The following TRHDE variants were observed in gnomAD, a reference collection of about 807,000 sequenced individuals.
TRHDE encodes the protein thyrotropin releasing hormone degrading enzyme.
Under a neutral mutation model 125.7 loss-of-function variants are expected in TRHDE, and 72 were observed. That is an observed-to-expected ratio of 0.57 (90% CI 0.47 to 0.70). The LOEUF (loss-of-function observed/expected upper bound fraction) is 0.70. Ranked by LOEUF, TRHDE falls within the 30% of genes least tolerant of loss-of-function variation. The probability of loss-of-function intolerance (pLI) is 0.00; values close to 1 mark genes in which losing one functional copy is unlikely to be tolerated. For synonymous variants in TRHDE, 509 were observed against 509.1 expected (o/e 1.00, Z 0.00); for missense variants, 1,110 against 1,327.1 (o/e 0.84, Z 2.54).
intron 12 of TRHDE, among the ~76,000 whole-genome samples, chr12:72,579,585 G>A (rs963883748): frequency 2.0e-5 from 3 of 151,978 alleles, no homozygotes; most frequent in Non-Finnish European, 4.4e-5. Flanking sequence ...TAAGCTTTGT[G>A]GTGGTTATCA....
At position 72,667,539 on chromosome 12, in the gene TRHDE, C is replaced by CAATAATGAAATGAA. The variant is rs1875152096; in HGVS notation, c.*4345_*4346insATAATGAAATGAAA. The CAATAATGAAATGAA allele has an allele frequency of 6.6e-6, 1 of 151,502 alleles. No homozygotes were observed. Among genetic ancestry groups the CAATAATGAAATGAA allele is most frequent in the South Asian group, 2.1e-4 (1 of 4,826 alleles). The allele number at this position is 151,502 out of a possible 1,614,324, so 9.4% of individuals were successfully genotyped here. On this transcript the variant is annotated 3_prime_UTR_variant, in exon 19 of 19. Coordinates refer to ENST00000261180, the MANE Select transcript of TRHDE (RefSeq NM_013381.3). Reference sequence around the variant, plus strand: ...TGAATATGGCCTGAAGGAATGAACTCATATTACAATAAATGAAAAAGAAAA... The same window carrying CAATAATGAAATGAA: ...TGAATATGGCCTGAAGGAATGAACTCAATAATGAAATGAAATATTACAATAAATGAAAAAGAAAA...
chr12:72,457,987 C>A (rs1446205943), intron 3 of TRHDE, among the ~76,000 whole-genome samples: 3 of 152,056 alleles, frequency 2.0e-5, no homozygotes, highest in African/African-American at 7.2e-5. Context: ...TTCCAGCTAC[C>A]TCAGACTTTG....
intron 9 of TRHDE, among the ~76,000 whole-genome samples, chr12:72,565,047 T>C (rs565965584): frequency 8.5e-5 from 13 of 152,258 alleles, no homozygotes; most frequent in Non-Finnish European, 1.5e-4. Context: ...TGACTGACTT[T>C]CTATTCATTT....
chr12:72,136,617 C>G (rs1875991632), intron 2 of TRHDE, among the ~76,000 whole-genome samples: 1 of 152,172 alleles, frequency 6.6e-6, no homozygotes, highest in South Asian at 2.1e-4. Context: ...GGTTAATATT[C>G]TATGTTCTGC....
At chr12:72,586,345 C>A (rs1044314348) in intron 12 of TRHDE, among the ~76,000 whole-genome samples, 1 of 152,044 alleles carries the variant, frequency 6.6e-6, no homozygotes, top group South Asian at 2.1e-4. Flanking sequence ...AATCGTAAAG[C>A]CTTAGGAGGA....
In TRHDE at chr12:72,621,146, G is replaced by C. The variant is rs141628943; in HGVS notation, c.2508G>C (p.Lys836Asn). ...AGCAAGTTGCAACAACATATATCAA[G>C]CTTGGGTGGCCGAAAAATAATTTTA... ...ILKQVATTYI[K>N]LGWPKNNFNG... Residue 836 changes from lysine to asparagine, a missense_variant, in exon 14 of 19, where the codon AAG becomes AAC. This residue lies in a region of TRHDE where 527 missense variants were observed against 651.8 expected (regional missense o/e 0.81). Transcript: ENST00000261180. 2 of 1,612,110 alleles carry C rather than the reference G, an allele frequency of 1.2e-6. No individual in the cohort carries two copies. The highest frequency in any genetic ancestry group is 2.7e-5 in the African/African-American group (2 of 74,738).
At chr12:72,184,417 T>G (rs2139343693) in intron 2 of TRHDE, among the ~76,000 whole-genome samples, 1 of 152,166 alleles carries the variant, frequency 6.6e-6, no homozygotes, top group East Asian at 1.9e-4. Context: ...CCCAAGCACA[T>G]GTTTAATTAC....
At chr12:72,152,819 T>G (rs1338180626) in intron 2 of TRHDE, among the ~76,000 whole-genome samples, 4 of 152,228 alleles carry the variant, frequency 2.6e-5, no homozygotes, top group African/African-American at 4.8e-5. Context: ...TGAGGATTTT[T>G]GCATCAATGT....
At chr12:72,607,739 G>GTTCT (rs1872506432) in intron 12 of TRHDE, among the ~76,000 whole-genome samples, 1 of 152,066 alleles carries the variant, frequency 6.6e-6, no homozygotes, top group South Asian at 2.1e-4. Context: ...TGGCCAGGAG[G>GTTCT]TTCTTTAAGT....
intron 2 of TRHDE, among the ~76,000 whole-genome samples, chr12:72,193,351 A>C (rs938709324): frequency 6.6e-6 from 1 of 151,982 alleles, no homozygotes; most frequent in Non-Finnish European, 1.5e-5. Flanking sequence ...CACTGTATTT[A>C]TGTAAAATTA....
At chr12:72,161,526 G>A (rs547747738) in intron 2 of TRHDE, among the ~76,000 whole-genome samples, 1 of 152,128 alleles carries the variant, frequency 6.6e-6, no homozygotes, top group South Asian at 2.1e-4. Context: ...ATACATTTAA[G>A]AGCCAGTGGT....
At chr12:72,117,028 C>G (rs1305775153) in intron 2 of TRHDE, among the ~76,000 whole-genome samples, 3 of 151,996 alleles carry the variant, frequency 2.0e-5, no homozygotes, top group Non-Finnish European at 4.4e-5. Context: ...ATTTTTTTCT[C>G]CCATTCTGTG....
chr12:72,349,350 A>G, intron 2 of TRHDE, among the ~76,000 whole-genome samples: 1 of 152,048 alleles, frequency 6.6e-6, no homozygotes, highest in South Asian at 2.1e-4. Flanking sequence ...GCTTCTGAAA[A>G]TGTTAAGCAT....
intron 3 of TRHDE, among the ~76,000 whole-genome samples, chr12:72,419,244 G>A (rs1873852349): frequency 6.6e-6 from 1 of 152,176 alleles, no homozygotes; most frequent in South Asian, 2.1e-4. Context: ...TATCCAGGAA[G>A]TTTCTTGTTG....
intron 6 of TRHDE, among the ~76,000 whole-genome samples, chr12:72,514,617 C>G (rs559957900): frequency 3.6e-4 from 54 of 151,212 alleles, no homozygotes; most frequent in Non-Finnish European, 5.8e-4. Flanking sequence ...CTTAACTACA[C>G]TTACTTTTTC....
chr12:72,662,311 T>C (rs1206628238), intron 18 of TRHDE, among the ~76,000 whole-genome samples: 2 of 152,306 alleles, frequency 1.3e-5, no homozygotes, highest in South Asian at 4.1e-4. Context: ...TATTTAATCT[T>C]GAAGTAAAAT....
At chr12:72,205,064 T>C (rs867558795) in intron 2 of TRHDE, among the ~76,000 whole-genome samples, 6 of 152,248 alleles carry the variant, frequency 3.9e-5, no homozygotes, top group Non-Finnish European at 7.3e-5. Flanking sequence ...AAAGATGTTA[T>C]TGTCCTTTCA....
intron 12 of TRHDE, among the ~76,000 whole-genome samples, chr12:72,605,674 G>A (rs933140496): frequency 6.6e-6 from 1 of 152,104 alleles, no homozygotes; most frequent in Admixed American, 6.6e-5. Flanking sequence ...GGCAGGAAAA[G>A]ATCACTTTAA....
chr12:72,147,815 A>G (rs1876264180), intron 2 of TRHDE: 1 of 152,198 alleles, frequency 6.6e-6, no homozygotes, highest in Admixed American at 6.5e-5. Flanking sequence ...AGTCTCCTTT[A>G]GAGTGTGAAC....
Sources: allele counts gnomAD v4.1 joint callset (sites outside exome capture counted in the v4.1 genomes callset), GRCh38; gene constraint gnomAD v4.1.1; regional missense constraint gnomAD v4.1.1; transcripts MANE v1.5; gene names NCBI Gene and HGNC (gene_info 2026-07-23, HGNC 2026-07-21).